The following TNFRSF13B variants were observed in gnomAD, a reference collection of about 807,000 sequenced individuals.
TNFRSF13B encodes the protein tumor necrosis factor receptor superfamily member 13B.
A neutral mutation model predicts 24.0 loss-of-function variants in TNFRSF13B; 34 were observed. That is an observed-to-expected ratio of 1.41 (90% CI 1.08 to 1.88). The LOEUF is 1.88. Among genes scored for constraint, TNFRSF13B ranks in the 40% most tolerant of loss-of-function variants. The pLI, the probability that TNFRSF13B is intolerant of heterozygous loss-of-function variation, is 0.00. For synonymous variants in TNFRSF13B, 173 were observed against 150.3 expected (o/e 1.15, Z -1.10); for missense variants, 415 against 380.8 (o/e 1.09, Z -0.75).
intron 3 of TNFRSF13B, chr17:16,941,109 T>C: frequency 3.9e-5 from 25 of 633,558 alleles, no homozygotes; most frequent in Non-Finnish European, 4.6e-5. Context: ...AAGGGTGTTA[T>C]ACTGTATTGT....
chr17:16,940,256 A>G, intron 4 of TNFRSF13B, 70 bp downstream of exon 4: 1 of 1,611,422 alleles, frequency 6.2e-7, no homozygotes, highest in Non-Finnish European at 8.5e-7. Flanking sequence ...CAGTGACAGG[A>G]CCGAGGGATG....
rs921938304 is a variant in TNFRSF13B at position 16,952,635 on chromosome 17, C to G, written c.62-52G>C. 1.9e-6 allele frequency: 3 copies of G among 1,613,462 alleles called. No individual in the cohort carries two copies. In the East Asian group the frequency reaches 6.7e-5, roughly 36 times the overall value. On this transcript the variant is annotated intron_variant, in intron 1 of 4. Coordinates refer to ENST00000261652, the MANE Select transcript of TNFRSF13B (RefSeq NM_012452.3). The stretch of plus-strand genomic sequence containing the variant: ...CTGGCAGGCGGCCACAGCCCGGCCT[C>G]TTGTCCCTGATGGGAACCAAGACGG...
At chr17:16,969,531 G>A (rs1375234759) in intron 1 of TNFRSF13B, among the ~76,000 whole-genome samples, 1 of 152,168 alleles carries the variant, frequency 6.6e-6, no homozygotes, top group Non-Finnish European at 1.5e-5. Context: ...GATTAGCCTG[G>A]GGCTAGGGAG....
chr17:16,939,756 CGGG>C lies in TNFRSF13B; in HGVS notation c.670_672del (p.Pro224del). ...CAGAAGCTGCAGGTCTCCACTGGCT[CGGG>C]GGATGTGCTCACAGGGCTGCCGGCT... On this transcript the variant is annotated inframe_deletion, in exon 5 of 5. Coordinates refer to ENST00000261652, the MANE Select transcript of TNFRSF13B (RefSeq NM_012452.3). 6.2e-7 allele frequency: 1 copy of C among 1,610,722 alleles called. No homozygotes were observed.
chr17:16,951,231 C>T (rs547523529), intron 2 of TNFRSF13B, among the ~76,000 whole-genome samples: 6 of 152,186 alleles, frequency 3.9e-5, no homozygotes, highest in Non-Finnish European at 8.8e-5. Flanking sequence ...CTGAGTTCCC[C>T]GCAATAAGTA....
At chr17:16,971,889 A>G in intron 1 of TNFRSF13B, 126 bp downstream of exon 1, 4 of 926,550 alleles carry the variant, frequency 4.3e-6, no homozygotes, top group Non-Finnish European at 5.3e-6. Flanking sequence ...GGAGGCTGGG[A>G]CTGCCCCAGT....
At chr17:16,945,216 A>G (rs1472032422) in intron 3 of TNFRSF13B, among the ~76,000 whole-genome samples, 2 of 152,202 alleles carry the variant, frequency 1.3e-5, no homozygotes, top group Admixed American at 1.3e-4. Context: ...ACATCCTCAC[A>G]CAGCCCCCAA....
At position 16,971,553 on chromosome 17, in the gene TNFRSF13B, G is replaced by A. The variant is rs370544210; in HGVS notation, c.61+462C>T. On this transcript the variant is annotated intron_variant, in intron 1 of 4. Coordinates refer to ENST00000261652, the MANE Select transcript of TNFRSF13B (RefSeq NM_012452.3). ...CAGTTGGTACAGTTTGAACCCTGGC[G>A]GGCTATGTGATGATGTTCAGGAATT... 7.9e-5 allele frequency among the ~76,000 whole-genome samples: 12 copies of A among 152,272 alleles called. No homozygotes were observed. The South Asian group carries it at 1.7e-3, about 21-fold the overall frequency.
chr17:16,939,420 C>G lies in TNFRSF13B; in HGVS notation c.*127G>C. On this transcript the variant is annotated 3_prime_UTR_variant, in exon 5 of 5. Coordinates refer to ENST00000261652, the MANE Select transcript of TNFRSF13B (RefSeq NM_012452.3). ...GTCTCTCTCTCCCTCTCTGTCTCCT[C>G]TGTTTCTCTCCCTCTCTGCCTCCTC... 2.6e-6 allele frequency: 3 copies of G among 1,171,696 alleles called. No homozygotes were observed. Among genetic ancestry groups the G allele is most frequent in the Middle Eastern group, 2.3e-4 (1 of 4,394 alleles). The allele number at this position is 1,171,696 out of a possible 1,614,324, so 72.6% of individuals were successfully genotyped here.
At chr17:16,946,591 T>A (rs1473808287) in intron 3 of TNFRSF13B, among the ~76,000 whole-genome samples, 6 of 147,954 alleles carry the variant, frequency 4.1e-5, no homozygotes, top group South Asian at 2.2e-4. Flanking sequence ...TTTATTTATT[T>A]ATTTATTTTT....
In TNFRSF13B at chr17:16,962,297, A is replaced by G. The variant is rs2087667866; in HGVS notation, c.62-9714T>C. Among the ~76,000 whole-genome samples the G allele has an allele frequency of 2.0e-5, 3 of 149,846 alleles. No individual in the cohort carries two copies. The South Asian group carries it at 6.2e-4, about 31-fold the overall frequency. ...CAAGGCAGGTGGATCATTTGAGGTC[A>G]GGAGTTCGAGACCAGCCTGGCCAAT... On this transcript the variant is annotated intron_variant, in intron 1 of 4. Coordinates refer to ENST00000261652, the MANE Select transcript of TNFRSF13B (RefSeq NM_012452.3).
rs568535162 is a variant in TNFRSF13B at position 16,939,678 on chromosome 17, G to A, written c.751C>T (p.Pro251Ser). The change falls in exon 5 of 5, where the codon CCC (proline) becomes TCC (serine). Residue 251 changes from proline (P) to serine (S), a missense_variant. Pro to Ser is a moderately conservative substitution (Grantham distance 74). Transcript: ENST00000261652. The part of the protein sequence containing the change: ...TQESAVTPGT[P>S]DPTCAGRWGC... ...CACCTTCCAGCACAAGTGGGGTCGG[G>A]GGTCCCAGGCGTGACTGCGCTCTCC... The A allele has an allele frequency of 5.6e-6, 9 of 1,611,096 alleles. No individual in the cohort carries two copies. The South Asian group carries it at 7.7e-5, about 14-fold the overall frequency.
At chr17:16,952,909 T>A (rs2087600179) in intron 1 of TNFRSF13B, among the ~76,000 whole-genome samples, 2 of 152,202 alleles carry the variant, frequency 1.3e-5, no homozygotes, top group African/African-American at 4.8e-5. Flanking sequence ...ACAGGGTCTT[T>A]GCACCTGCTG....
chr17:16,955,924 G>A (rs928836591), intron 1 of TNFRSF13B, among the ~76,000 whole-genome samples: 12 of 152,242 alleles, frequency 7.9e-5, no homozygotes, highest in Admixed American at 2.0e-4. Flanking sequence ...AAGCAAGAAG[G>A]ACCCTTGTCC....
intron 1 of TNFRSF13B, among the ~76,000 whole-genome samples, chr17:16,970,307 GCCGCC>G (rs1464249201): frequency 5.0e-4 from 76 of 152,296 alleles, no homozygotes; most frequent in African/African-American, 1.8e-3. Flanking sequence ...CAGACTCTGG[GCCGCC>G]ACAAATTTGG....
intron 3 of TNFRSF13B, among the ~76,000 whole-genome samples, chr17:16,945,687 C>T (rs943475040): frequency 2.6e-5 from 4 of 152,180 alleles, no homozygotes; most frequent in African/African-American, 9.7e-5. Context: ...TGTGGCTGGG[C>T]TCTTCAGCCC....
rs1328621652 is a variant in TNFRSF13B at position 16,971,380 on chromosome 17, C to CA, written c.61+634dup. ...CAAAAACAAAAACAAAACAACAAAA[C>CA]AAAAAAAAAGAAAGCTATAGGATAA... On this transcript the variant is annotated intron_variant, in intron 1 of 4. Transcript: ENST00000261652. 1.0e-4 allele frequency among the ~76,000 whole-genome samples: 11 copies of CA among 109,696 alleles called. No homozygotes were observed. The South Asian group carries it at 1.5e-3, about 15-fold the overall frequency. 72.0% of individuals were successfully genotyped at this position (109,696 alleles called of 152,430 possible). A position where few individuals can be genotyped will look rare whatever the true frequency, so the allele number is the denominator to read the frequency against.
At chr17:16,946,575 T>TTA (rs202243629) in intron 3 of TNFRSF13B, among the ~76,000 whole-genome samples, 7,441 of 148,928 alleles carry the variant, frequency 0.05, 208 homozygotes, top group South Asian at 0.11. Context: ...TTTATTTTTA[T>TTA]TTTTATTTAT....
intron 1 of TNFRSF13B, among the ~76,000 whole-genome samples, chr17:16,968,250 C>T (rs1045131154): frequency 6.6e-6 from 1 of 152,000 alleles, no homozygotes. Flanking sequence ...AAAGCCATCC[C>T]ATGCTCATGG....
Sources: gnomAD v4.1 joint callset for allele counts (sites outside exome capture counted in the v4.1 genomes callset) on GRCh38, gnomAD v4.1.1 for gene constraint, MANE v1.5 for transcripts, NCBI Gene and HGNC (gene_info 2026-07-23, HGNC 2026-07-21) for gene names.